The following RIT2 variants were observed in gnomAD, a reference collection of about 807,000 sequenced individuals.
RIT2 encodes GTP-binding protein Rit2.
Under a neutral mutation model 23.7 loss-of-function variants are expected in RIT2, and 24 were observed. The ratio of observed to expected loss-of-function variants is 1.01; its 90% confidence interval spans 0.73 to 1.43. The LOEUF is 1.43. Ranked by LOEUF, RIT2 falls within the 40% of genes most tolerant of loss-of-function variation. The pLI is 0.00. For missense variants in RIT2, 236 were observed against 266.9 expected, an observed-to-expected ratio of 0.88 and a Z score of 0.81; for synonymous variants, 107 against 91.1, an observed-to-expected ratio of 1.17 and a Z score of -0.99.
intron 4 of RIT2, among the ~76,000 whole-genome samples, chr18:42,870,295 C>T (rs1907587804): frequency 6.6e-6 from 1 of 152,130 alleles, no homozygotes; most frequent in Non-Finnish European, 1.5e-5. Flanking sequence ...GCAGTCAGTA[C>T]AGTGGTGCGA....
intron 2 of RIT2, among the ~76,000 whole-genome samples, chr18:42,989,727 C>T (rs910920888): frequency 6.6e-6 from 1 of 152,168 alleles, no homozygotes; most frequent in South Asian, 2.1e-4. Context: ...AACCGTAGAT[C>T]TCTGTAGATT....
rs541613404 is a variant in RIT2, at chr18:43,065,152, G to C, written c.104-31285C>G. ...AATTTAAATAGATAAAGTTTAGTGAGATGTGTCAGGTTTTACTGGATTTCC... is the reference window on the plus strand; with the variant it reads ...AATTTAAATAGATAAAGTTTAGTGACATGTGTCAGGTTTTACTGGATTTCC... On this transcript the variant is annotated intron_variant, in intron 1 of 4. Coordinates refer to ENST00000326695, the MANE Select transcript of RIT2 (RefSeq NM_002930.4). Among the ~76,000 whole-genome samples, 21 of 150,678 alleles carry C rather than the reference G, an allele frequency of 1.4e-4. No individual in the cohort carries two copies. In the East Asian group the frequency reaches 2.0e-3, roughly 14 times the overall value.
intron 4 of RIT2, among the ~76,000 whole-genome samples, chr18:42,828,945 AG>A (rs1568006829): frequency 6.6e-6 from 1 of 152,190 alleles, no homozygotes; most frequent in Non-Finnish European, 1.5e-5. Context: ...GACAGGGCAC[AG>A]GTGCTGCCCT....
chr18:43,075,114 TC>T (rs1394309058), intron 1 of RIT2, among the ~76,000 whole-genome samples: 1 of 152,132 alleles, frequency 6.6e-6, no homozygotes, highest in Non-Finnish European at 1.5e-5. Context: ...CTAAGATGTG[TC>T]TTAAATTATT....
intron 1 of RIT2, among the ~76,000 whole-genome samples, chr18:43,070,101 G>A (rs1157388188): frequency 6.6e-6 from 1 of 152,118 alleles, no homozygotes; most frequent in Non-Finnish European, 1.5e-5. Flanking sequence ...TATGTTTATG[G>A]AAATGTTGCG....
At chr18:42,946,404 C>T (rs181683254) in intron 3 of RIT2, among the ~76,000 whole-genome samples, 1 of 151,988 alleles carries the variant, frequency 6.6e-6, no homozygotes, top group Non-Finnish European at 1.5e-5. Flanking sequence ...AAAGACAACA[C>T]AAAATTCTCG....
intron 1 of RIT2, among the ~76,000 whole-genome samples, chr18:43,057,816 A>G (rs922803926): frequency 3.3e-5 from 2 of 61,472 alleles, no homozygotes; most frequent in Admixed American, 3.2e-4. Context: ...TTTTTTTTTT[A>G]TCATCTAAGG....
At chr18:42,827,949 G>T (rs933778179) in intron 4 of RIT2, among the ~76,000 whole-genome samples, 1 of 128,704 alleles carries the variant, frequency 7.8e-6, no homozygotes, top group African/African-American at 2.9e-5. Flanking sequence ...AGCTTGCAGT[G>T]AATGAGATCG....
intron 2 of RIT2, among the ~76,000 whole-genome samples, chr18:43,012,838 AAAGTT>A (rs1262028320): frequency 6.6e-6 from 1 of 151,762 alleles, no homozygotes; most frequent in Non-Finnish European, 1.5e-5. Flanking sequence ...CTGATCCCAA[AAAGTT>A]AAGTGGCCTG....
intron 2 of RIT2, among the ~76,000 whole-genome samples, chr18:43,007,029 C>T (rs1291410234): frequency 6.6e-6 from 1 of 151,396 alleles, no homozygotes; most frequent in Non-Finnish European, 1.5e-5. Flanking sequence ...ATTTAAGGTG[C>T]TCAAGGAAAG....
chr18:43,082,989 T>A (rs1305459713), intron 1 of RIT2, among the ~76,000 whole-genome samples: 2 of 152,154 alleles, frequency 1.3e-5, no homozygotes, highest in African/African-American at 4.8e-5. Flanking sequence ...CCCTATCGTC[T>A]CAGCCCAAAA....
intron 4 of RIT2, among the ~76,000 whole-genome samples, chr18:42,840,122 A>G (rs1007344819): frequency 1.9e-4 from 29 of 152,212 alleles, no homozygotes; most frequent in African/African-American, 5.8e-4. Flanking sequence ...AACTCCAATC[A>G]GGGCAGAACT....
chr18:42,916,236 GACA>G (rs1908906761), intron 4 of RIT2, among the ~76,000 whole-genome samples: 1 of 152,028 alleles, frequency 6.6e-6, no homozygotes. Flanking sequence ...TTGGTTTGGG[GACA>G]ACATTTTGAG....
In RIT2 at chr18:42,856,712, A is replaced by G. The variant is rs764652280; in HGVS notation, c.426+66860T>C. Among the ~76,000 whole-genome samples, 17 of 152,206 alleles carry G rather than the reference A, an allele frequency of 1.1e-4. No homozygotes were observed. The Middle Eastern group carries it at 0.01, about 91-fold the overall frequency. On this transcript the variant is annotated intron_variant, in intron 4 of 4. Coordinates refer to ENST00000326695, the MANE Select transcript of RIT2 (RefSeq NM_002930.4). ...ATGTTCAATTTTTCTTCTGAATATG[A>G]AGGGATTAGACTAAAAGAGTGGTTC...
At chr18:42,903,121 C>T (rs1908520701) in intron 4 of RIT2, among the ~76,000 whole-genome samples, 1 of 151,902 alleles carries the variant, frequency 6.6e-6, no homozygotes, top group African/African-American at 2.4e-5. Flanking sequence ...TTGAATATGA[C>T]ACCAACTAAG....
intron 4 of RIT2, among the ~76,000 whole-genome samples, chr18:42,763,726 T>C (rs2080558374): frequency 6.6e-6 from 1 of 152,216 alleles, no homozygotes; most frequent in Non-Finnish European, 1.5e-5. Flanking sequence ...TTATAACTTT[T>C]TGACTCTGGT....
intron 4 of RIT2, among the ~76,000 whole-genome samples, chr18:42,807,182 T>C (rs1905707734): frequency 6.6e-6 from 1 of 152,214 alleles, no homozygotes; most frequent in South Asian, 2.1e-4. Context: ...CATTTTAATC[T>C]GGGTAATTTC....
intron 2 of RIT2, among the ~76,000 whole-genome samples, chr18:43,030,718 A>G (rs1319160053): frequency 6.6e-6 from 1 of 152,088 alleles, no homozygotes; most frequent in African/African-American, 2.4e-5. Flanking sequence ...AAAGGTAGAA[A>G]CAACAGAATT....
At chr18:43,104,356 C>T (rs541365870) in intron 1 of RIT2, among the ~76,000 whole-genome samples, 1 of 152,104 alleles carries the variant, frequency 6.6e-6, no homozygotes, top group African/African-American at 2.4e-5. Flanking sequence ...TTCTGGTGTT[C>T]CACAGCGCTA....
Sources: gnomAD v4.1 joint callset for allele counts (sites outside exome capture counted in the v4.1 genomes callset) on GRCh38, gnomAD v4.1.1 for gene constraint, MANE v1.5 for transcripts, NCBI Gene and HGNC (gene_info 2026-07-23, HGNC 2026-07-21) for gene names.